PHRF1: variants seen among roughly 807,000 people sequenced by gnomAD.
The protein encoded by PHRF1 is PHD and ring finger domains 1, also known as PHD and RING finger domain-containing protein 1.
PHRF1 carries 53 observed loss-of-function variants against 128.9 expected under a neutral mutation model. That is an observed-to-expected ratio of 0.41 (90% CI 0.33 to 0.52). PHRF1 has a LOEUF of 0.52. Ranked by LOEUF, PHRF1 falls within the 20% of genes least tolerant of loss-of-function variation. PHRF1 has a pLI of 0.21. For synonymous variants in PHRF1, 1,178 were observed against 980.6 expected (o/e 1.20, Z -3.76); for missense variants, 2,503 against 2,284.5 (o/e 1.10, Z -1.95).
intron 3 of PHRF1, among the ~76,000 whole-genome samples, chr11:584,984 C>A (rs999980954): frequency 6.6e-6 from 1 of 152,028 alleles, no homozygotes; most frequent in Non-Finnish European, 1.5e-5. Context: ...GTGATCCACC[C>A]GCCTTGGCCT....
intron 6 of PHRF1, among the ~76,000 whole-genome samples, chr11:594,382 G>A (rs954622350): frequency 2.6e-5 from 4 of 152,224 alleles, no homozygotes; most frequent in East Asian, 1.9e-4. Context: ...CAGTTTTCAC[G>A]CACAAAGCCT....
intron 3 of PHRF1, among the ~76,000 whole-genome samples, chr11:583,263 C>G (rs1219744942): frequency 6.6e-6 from 1 of 151,110 alleles, no homozygotes; most frequent in East Asian, 2.0e-4. Flanking sequence ...TGCTGGAACC[C>G]GGGAGTCGGA....
At chr11:577,692 CAAGAAT>C (rs1853964118) in intron 1 of PHRF1, among the ~76,000 whole-genome samples, 1 of 152,216 alleles carries the variant, frequency 6.6e-6, no homozygotes, top group Non-Finnish European at 1.5e-5. Flanking sequence ...ATGGTGAATA[CAAGAAT>C]AAAAGTCGGC....
chr11:603,973 G>T (rs1855801422), intron 10 of PHRF1, among the ~76,000 whole-genome samples: 1 of 152,240 alleles, frequency 6.6e-6, no homozygotes, highest in Non-Finnish European at 1.5e-5. Context: ...AAACTGCTGG[G>T]ATTCCAGGTG....
At chr11:594,093 T>C (rs1564849429) in intron 6 of PHRF1, among the ~76,000 whole-genome samples, 1 of 152,144 alleles carries the variant, frequency 6.6e-6, no homozygotes, top group Non-Finnish European at 1.5e-5. Context: ...ACCGTGAATA[T>C]ATGCAGAATG....
chr11:605,530 G>C, intron 11 of PHRF1, 75 bp from the exon 12 acceptor site: 3 of 1,579,246 alleles, frequency 1.9e-6, no homozygotes, highest in Non-Finnish European at 2.6e-6. Flanking sequence ...ATCCTCCTCC[G>C]TGCCGTCTCC....
Position 611,502 on chromosome 11 carries a change from C to T in PHRF1, c.4807-132C>T, listed in dbSNP as rs377421637. 6.6e-5 allele frequency: 86 copies of T among 1,309,770 alleles called. No individual in the cohort carries two copies. The African/African-American group carries it at 8.9e-4, about 14-fold the overall frequency. The allele number at this position is 1,309,770 out of a possible 1,614,324, so 81.1% of individuals were successfully genotyped here. On this transcript the variant is annotated intron_variant, in intron 17 of 17. Coordinates refer to ENST00000264555, the MANE Select transcript of PHRF1 (RefSeq NM_001286581.2). ...ACATAGGTGGGGCGGCCTCTGCCGC[C>T]GTCTGTCTGCGTGCTGCACCTAGGG...
chr11:587,327 G>A lies in PHRF1; in HGVS notation c.283G>A (p.Ala95Thr), dbSNP rs374957305. ...AGCGGGTACTCAGGGGAAACTGGAAGCCGCTGGCTCTTTCAATTCTGATGA... is the reference window on the plus strand; with the variant it reads ...AGCGGGTACTCAGGGGAAACTGGAAACCGCTGGCTCTTTCAATTCTGATGA... ...EVAGTQGKLE[A>T]AGSFNSDDDA... Residue 95 changes from alanine to threonine, a missense_variant, in exon 4 of 18, where the codon GCC (alanine) becomes ACC (threonine). Transcript: ENST00000264555. 3.8e-5 allele frequency: 61 copies of A among 1,613,674 alleles called. No individual in the cohort carries two copies. The African/African-American group carries it at 7.7e-4, about 20-fold the overall frequency.
intron 1 of PHRF1, among the ~76,000 whole-genome samples, chr11:579,625 T>C (rs1854094793): frequency 6.6e-6 from 1 of 152,216 alleles, no homozygotes; most frequent in Admixed American, 6.5e-5. Flanking sequence ...GCAGGGCGTC[T>C]CTGCGGAGTT....
At chr11:606,965 G>A in intron 13 of PHRF1, 101 bp from the exon 14 acceptor site, 2 of 1,495,684 alleles carry the variant, frequency 1.3e-6, no homozygotes, top group Non-Finnish European at 1.8e-6. Context: ...GGAGTTTAAA[G>A]CGCACGACCT....
intron 6 of PHRF1, among the ~76,000 whole-genome samples, chr11:596,653 T>A (rs996734108): frequency 2.6e-4 from 39 of 152,188 alleles, no homozygotes; most frequent in African/African-American, 8.7e-4. Context: ...CTTCCTGACT[T>A]ACAGACGGCC....
chr11:587,409 C>T lies in PHRF1; in HGVS notation c.365C>T (p.Thr122Met), dbSNP rs1489926616. 6.2e-6 allele frequency: 10 copies of T among 1,613,782 alleles called. No homozygotes were observed. Among genetic ancestry groups the T allele is most frequent in the South Asian group, 2.2e-5 (2 of 91,064 alleles). ...GCATTCAGAGACCAGGCCGTGGGGACGCCGGAGAACTGTGCCCATTACTTC... is the reference window on the plus strand; with the variant it reads ...GCATTCAGAGACCAGGCCGTGGGGATGCCGGAGAACTGTGCCCATTACTTC... Reference protein sequence around the residue: ...LNAFRDQAVGTPENCAHYFCL... With the variant: ...LNAFRDQAVGMPENCAHYFCL... Residue 122 changes from threonine (T) to methionine (M), a missense_variant, in exon 4 of 18, where the codon ACG becomes ATG. Coordinates refer to ENST00000264555, the MANE Select transcript of PHRF1 (RefSeq NM_001286581.2).
Position 597,266 on chromosome 11 carries a change from C to A in PHRF1, c.719-129C>A. The A allele has an allele frequency of 1.7e-6, 2 of 1,182,614 alleles. No individual in the cohort carries two copies. The highest frequency in any genetic ancestry group is 2.3e-6 in the Non-Finnish European group (2 of 856,320). The allele number at this position is 1,182,614 out of a possible 1,614,324, so 73.3% of individuals were successfully genotyped here. The stretch of plus-strand genomic sequence containing the variant: ...TGTTAGGAGCACCAGGCTCCATGAG[C>A]AGCCCTGGGTCCTGTGCACAGGTCA... On this transcript the variant is annotated intron_variant, in intron 7 of 17. Transcript: ENST00000264555. This position sits in a 1 kb window ranked among gnomAD's most constrained non-coding sequence, Gnocchi z 6.5.
At chr11:609,741 C>T (rs1856238440) in intron 14 of PHRF1, 21 bp downstream of exon 14, 1 of 1,426,172 alleles carries the variant, frequency 7.0e-7, no homozygotes. Flanking sequence ...CCCCGGCCCC[C>T]ACCGAGGACA....
intron 4 of PHRF1, among the ~76,000 whole-genome samples, chr11:589,594 G>A (rs1425950823): frequency 1.3e-5 from 2 of 151,496 alleles, no homozygotes; most frequent in East Asian, 1.9e-4. Context: ...GGAGGCGCCT[G>A]TGGGGCAGGT....
intron 9 of PHRF1, among the ~76,000 whole-genome samples, chr11:599,395 C>G (rs986481773): frequency 6.6e-6 from 1 of 151,630 alleles, no homozygotes; most frequent in Admixed American, 6.6e-5. Context: ...GAATTACAGG[C>G]ACCCGCCACC....
Position 610,512 on chromosome 11 carries a change from C to G in PHRF1, c.4428C>G (p.Pro1476=). 6.2e-7 allele frequency: 1 copy of G among 1,603,516 alleles called. No homozygotes were observed. Among genetic ancestry groups the G allele is most frequent in the Non-Finnish European group, 8.5e-7 (1 of 1,178,508 alleles). Residue 1476 remains proline, a synonymous_variant, in exon 16 of 18, where the codon CCC becomes CCG. Coordinates refer to ENST00000264555, the MANE Select transcript of PHRF1 (RefSeq NM_001286581.2). ...GGTGTCCCTCCCAGGTTTACAGCCCCGGCCTGCCGCCTGCCCCGGCCCAGC... is the reference window on the plus strand; with the variant it reads ...GGTGTCCCTCCCAGGTTTACAGCCCGGGCCTGCCGCCTGCCCCGGCCCAGC... ...PDTDPSQVYS[P]GLPPAPAQPS...
chr11:608,197 C>G lies in PHRF1; in HGVS notation c.2741C>G (p.Ala914Gly). The G allele has an allele frequency of 6.2e-7, 1 of 1,609,708 alleles. No individual in the cohort carries two copies. Residue 914 changes from alanine to glycine, a missense_variant, in exon 14 of 18, where the codon GCC becomes GGC. Physicochemically the swap from Ala to Gly is moderately conservative, Grantham distance 60. Coordinates refer to ENST00000264555, the MANE Select transcript of PHRF1 (RefSeq NM_001286581.2). ...KLRGAVAAEG[A>G]SDTEREEPTE... ...CGGGGTGCAGTGGCTGCCGAGGGGG[C>G]CTCTGACACGGAGCGAGAGGAGCCC...
At chr11:609,955 C>T (rs1454171876) in intron 14 of PHRF1, among the ~76,000 whole-genome samples, 1 of 152,190 alleles carries the variant, frequency 6.6e-6, no homozygotes, top group Admixed American at 6.5e-5. Flanking sequence ...CTTCTGGAGC[C>T]AGGGAACACT....
Sources: allele counts gnomAD v4.1 joint callset (sites outside exome capture counted in the v4.1 genomes callset), GRCh38; gene constraint gnomAD v4.1.1; non-coding constraint Gnocchi (gnomAD v3.1); transcripts MANE v1.5; gene names NCBI Gene and HGNC (gene_info 2026-07-23, HGNC 2026-07-21).